The following COP1 variants were observed in gnomAD, a reference collection of about 807,000 sequenced individuals.
COP1 encodes COP1 E3 ubiquitin ligase.
Under a neutral mutation model 101.3 loss-of-function variants are expected in COP1, and 24 were observed. The observed-to-expected ratio is 0.24, with a 90% CI of 0.17 to 0.33. The LOEUF (loss-of-function observed/expected upper bound fraction) is 0.33, where lower values mean the gene tolerates loss of function less well. COP1 is among the 10% of genes least tolerant of loss of function. The pLI is 1.00. For missense variants in COP1, 663 were observed against 906.2 expected (o/e 0.73, Z 3.45); for synonymous variants, 347 against 341.9 (o/e 1.01, Z -0.17).
chr1:176,206,511 C>T, intron 1 of COP1, 61 bp downstream of exon 1: 1 of 1,581,212 alleles, frequency 6.3e-7, no homozygotes, highest in Non-Finnish European at 8.6e-7. Flanking sequence ...CCCCCGCCCC[C>T]AAGCCTAAGC....
chr1:176,206,856 C>T lies in COP1; in HGVS notation c.123G>A (p.Ala41=), dbSNP rs753438002. 26 of 1,435,280 alleles carry T rather than the reference C, an allele frequency of 1.8e-5. No individual in the cohort carries two copies. The South Asian group carries it at 3.2e-4, about 17-fold the overall frequency. The allele number at this position is 1,435,280 out of a possible 1,614,324, so 88.9% of individuals were successfully genotyped here. The change falls in exon 1 of 20, where the codon GCG becomes GCA. Residue 41 remains alanine (A), a synonymous_variant. Coordinates refer to ENST00000367669, the MANE Select transcript of COP1 (RefSeq NM_022457.7). ...LSSSPSPPSV[A]VSAAALVSGG... The stretch of plus-strand genomic sequence containing the variant: ...CGGACACCAGCGCTGCCGCCGAAAC[C>T]GCCACGGAAGGCGGCGACGGGGAAG...
intron 17 of COP1, 44 bp from the exon 18 acceptor site, chr1:175,987,147 C>T (rs186523612): frequency 5.5e-6 from 6 of 1,082,704 alleles, no homozygotes; most frequent in East Asian, 5.1e-5. Flanking sequence ...TAGAAAAACT[C>T]GGAATTAGGA....
chr1:176,125,914 A>G (rs950404808), intron 8 of COP1, among the ~76,000 whole-genome samples: 4 of 152,092 alleles, frequency 2.6e-5, no homozygotes, highest in Non-Finnish European at 2.9e-5. Context: ...AGTGCTTTAT[A>G]GTTTTCATTA....
chr1:176,004,597 C>T (rs576150018), intron 15 of COP1, among the ~76,000 whole-genome samples: 1 of 152,228 alleles, frequency 6.6e-6, no homozygotes, highest in South Asian at 2.1e-4. Flanking sequence ...TTTTCTGCAT[C>T]TATTGAGATA....
intron 8 of COP1, among the ~76,000 whole-genome samples, chr1:176,129,225 T>A (rs1043115649): frequency 1.3e-5 from 2 of 151,734 alleles, no homozygotes; most frequent in Admixed American, 1.3e-4. Context: ...CCTTGTTTTT[T>A]CCTATTGTCC....
At chr1:176,017,534 TA>T (rs1190910343) in intron 15 of COP1, 3 of 152,224 alleles carry the variant, frequency 2.0e-5, no homozygotes, top group Admixed American at 6.5e-5. Flanking sequence ...TATTTTTATT[TA>T]TTTTTTTGAG....
chr1:176,181,228 C>A (rs1345122561), intron 2 of COP1, among the ~76,000 whole-genome samples: 2 of 152,060 alleles, frequency 1.3e-5, no homozygotes, highest in Non-Finnish European at 2.9e-5. Flanking sequence ...GGAAAAACAG[C>A]TGATGTGGTC....
intron 11 of COP1, among the ~76,000 whole-genome samples, chr1:176,054,557 T>G (rs1164277069): frequency 6.6e-6 from 1 of 152,214 alleles, no homozygotes; most frequent in Non-Finnish European, 1.5e-5. Flanking sequence ...CACTTATCAG[T>G]ATTTATACCA....
intron 18 of COP1, among the ~76,000 whole-genome samples, chr1:175,976,036 C>A (rs1654446307): frequency 7.3e-6 from 1 of 137,840 alleles, no homozygotes; most frequent in African/African-American, 2.6e-5. Flanking sequence ...TCTCAAAAAT[C>A]CAGTAATATG....
At chr1:176,006,847 G>C (rs1271140991) in intron 15 of COP1, among the ~76,000 whole-genome samples, 1 of 151,842 alleles carries the variant, frequency 6.6e-6, no homozygotes. Flanking sequence ...TCTTCTCGAG[G>C]AGTATCTTTG....
At chr1:175,949,435 C>G (rs1390898916) in intron 18 of COP1, among the ~76,000 whole-genome samples, 1 of 152,098 alleles carries the variant, frequency 6.6e-6, no homozygotes, top group Admixed American at 6.6e-5. Context: ...GGTTAAGAGA[C>G]AGCATTTCTA....
intron 14 of COP1, among the ~76,000 whole-genome samples, chr1:176,037,528 A>G (rs1669783252): frequency 6.6e-6 from 1 of 152,022 alleles, no homozygotes; most frequent in Non-Finnish European, 1.5e-5. Context: ...AAAAAAAACA[A>G]CAAAAAAATT....
At chr1:176,176,510 A>G (rs1387914779) in intron 2 of COP1, among the ~76,000 whole-genome samples, 1 of 152,206 alleles carries the variant, frequency 6.6e-6, no homozygotes, top group South Asian at 2.1e-4. Flanking sequence ...GATTTTACCA[A>G]TTAGGATGGA....
chr1:176,057,676 G>A (rs530262555), intron 11 of COP1, among the ~76,000 whole-genome samples: 6 of 151,568 alleles, frequency 4.0e-5, no homozygotes, highest in African/African-American at 1.2e-4. Context: ...GCGTGATCTC[G>A]GCTCGCTACA....
At chr1:176,035,176 A>C (rs577195943) in intron 14 of COP1, among the ~76,000 whole-genome samples, 3 of 152,306 alleles carry the variant, frequency 2.0e-5, no homozygotes, top group Admixed American at 2.0e-4. Context: ...CAACTATTGT[A>C]ATTATACTCC....
intron 9 of COP1, among the ~76,000 whole-genome samples, chr1:176,100,618 A>G (rs973123496): frequency 3.9e-5 from 6 of 152,136 alleles, no homozygotes; most frequent in Non-Finnish European, 8.8e-5. Flanking sequence ...GTTCTGAGCA[A>G]TTATCCTGCC....
At chr1:176,139,387 G>C (rs1690318036) in intron 6 of COP1, among the ~76,000 whole-genome samples, 1 of 152,066 alleles carries the variant, frequency 6.6e-6, no homozygotes, top group Non-Finnish European at 1.5e-5. Flanking sequence ...AGCCACTGTG[G>C]AGACCGGAGT....
intron 2 of COP1, among the ~76,000 whole-genome samples, chr1:176,182,088 A>G (rs1227103777): frequency 6.6e-6 from 1 of 152,314 alleles, no homozygotes; most frequent in East Asian, 1.9e-4. Context: ...ACTTCACAAC[A>G]TAGTGAAAAA....
chr1:176,204,125 A>G (rs1700583990), intron 1 of COP1, among the ~76,000 whole-genome samples: 1 of 142,262 alleles, frequency 7.0e-6, no homozygotes, highest in Admixed American at 6.9e-5. Flanking sequence ...ATTGCACACA[A>G]AGAAAACACA....
Sources: gnomAD v4.1 joint callset for allele counts (sites outside exome capture counted in the v4.1 genomes callset) on GRCh38, gnomAD v4.1.1 for gene constraint, MANE v1.5 for transcripts, NCBI Gene and HGNC (gene_info 2026-07-23, HGNC 2026-07-21) for gene names.